Variants in RNF150 observed in about 807,000 individuals in gnomAD.
RNF150 encodes ring finger protein 150.
In RNF150, 24 loss-of-function variants were observed where a neutral mutation model predicts 39.3. The observed-to-expected ratio is 0.61, with a 90% confidence interval of 0.44 to 0.86. The LOEUF (loss-of-function observed/expected upper bound fraction) is 0.86. Ranked by LOEUF, RNF150 falls within the 40% of genes least tolerant of loss-of-function variation. The pLI, the probability that RNF150 is intolerant of heterozygous loss-of-function variation, is 0.00. For missense variants in RNF150, 502 were observed against 587.8 expected (o/e 0.85, Z 1.51); for synonymous variants, 255 against 227.3 (o/e 1.12, Z -1.10).
intron 1 of RNF150, among the ~76,000 whole-genome samples, chr4:140,979,130 T>G (rs1008231802): frequency 2.6e-5 from 4 of 152,118 alleles, no homozygotes; most frequent in Admixed American, 2.6e-4. Context: ...GTAGCCTCTC[T>G]GTATATGCAG....
At chr4:141,096,901 G>A (rs1018541967) in intron 1 of RNF150, among the ~76,000 whole-genome samples, 3 of 152,160 alleles carry the variant, frequency 2.0e-5, no homozygotes, top group African/African-American at 7.2e-5. Flanking sequence ...CCCTAAATGG[G>A]CTTCAAAATT....
chr4:141,074,703 A>G (rs3863130), intron 1 of RNF150, among the ~76,000 whole-genome samples: 114,944 of 152,088 alleles, frequency 0.76, 44,939 homozygotes, highest in Non-Finnish European at 0.87. Flanking sequence ...CTCTACCACT[A>G]TGTTGCATCA....
chr4:140,937,324 G>A (rs1228129739), intron 4 of RNF150, among the ~76,000 whole-genome samples: 4 of 152,056 alleles, frequency 2.6e-5, no homozygotes, highest in Non-Finnish European at 4.4e-5. Flanking sequence ...GCAATGGTGC[G>A]ATCTCAGCTG....
chr4:140,922,238 ATCT>A (rs1731186678), intron 5 of RNF150, among the ~76,000 whole-genome samples: 1 of 151,322 alleles, frequency 6.6e-6, no homozygotes. Flanking sequence ...TCAGCCCAAA[ATCT>A]TCTTAAGCTG....
At chr4:141,005,723 G>A (rs934457368) in intron 1 of RNF150, among the ~76,000 whole-genome samples, 22 of 152,190 alleles carry the variant, frequency 1.4e-4, no homozygotes, top group African/African-American at 5.3e-4. Context: ...TGTAATTTGA[G>A]TATATCATGT....
chr4:141,164,863 C>A (rs1395964219), intron 1 of RNF150, among the ~76,000 whole-genome samples: 1 of 152,132 alleles, frequency 6.6e-6, no homozygotes. Flanking sequence ...ATGTAAAGAC[C>A]ATTGACACTA....
intron 1 of RNF150, among the ~76,000 whole-genome samples, chr4:141,023,565 T>TG (rs1464739143): frequency 6.6e-6 from 1 of 151,548 alleles, no homozygotes; most frequent in African/African-American, 2.4e-5. Flanking sequence ...AAATTAATTT[T>TG]TTATATCTTA....
chr4:141,154,675 T>G (rs1727354022), intron 1 of RNF150, among the ~76,000 whole-genome samples: 1 of 152,174 alleles, frequency 6.6e-6, no homozygotes, highest in Non-Finnish European at 1.5e-5. Context: ...AGACCACATA[T>G]TTGAGTGCAA....
At chr4:141,148,783 T>C (rs548950450) in intron 1 of RNF150, among the ~76,000 whole-genome samples, 1 of 152,304 alleles carries the variant, frequency 6.6e-6, no homozygotes, top group East Asian at 1.9e-4. Context: ...TTCTTTTTTT[T>C]CCAGGTATTA....
Position 140,896,687 on chromosome 4 carries a change from TAAA to T in RNF150, c.1198+14454_1198+14456del, listed in dbSNP as rs368166601. 2.6e-4 allele frequency among the ~76,000 whole-genome samples: 21 copies of T among 79,300 alleles called. No individual in the cohort carries two copies. The East Asian group carries it at 0.01, about 38-fold the overall frequency. The allele number at this position is 79,300 out of a possible 152,430, so 52.0% of individuals were successfully genotyped here. A position where few individuals can be genotyped will look rare whatever the true frequency, so the allele number is the denominator to read the frequency against. On this transcript the variant is annotated intron_variant, in intron 6 of 6. Transcript: ENST00000515673. ...ATGTACCCTAAAACTTAGAGTATAATAAAAAAAAAAAAACAAAAAAACAAACAA... is the reference window on the plus strand; with the variant it reads ...ATGTACCCTAAAACTTAGAGTATAATAAAAAAAAAACAAAAAAACAAACAA...
intron 1 of RNF150, among the ~76,000 whole-genome samples, chr4:141,163,200 G>A (rs1392598277): frequency 6.6e-6 from 1 of 152,074 alleles, no homozygotes; most frequent in African/African-American, 2.4e-5. Context: ...GTTTGAACTG[G>A]GCAGAGCCCA....
chr4:141,041,706 G>T (rs1252777254), intron 1 of RNF150, among the ~76,000 whole-genome samples: 2 of 151,960 alleles, frequency 1.3e-5, no homozygotes, highest in Non-Finnish European at 2.9e-5. Flanking sequence ...TTGATGATAT[G>T]CCCAAAAATA....
chr4:141,026,267 G>T (rs1735693511), intron 1 of RNF150, among the ~76,000 whole-genome samples: 1 of 152,122 alleles, frequency 6.6e-6, no homozygotes, highest in Non-Finnish European at 1.5e-5. Context: ...AGATCAAGGA[G>T]AAATATTTAT....
chr4:141,201,282 T>A (rs1728286358), intron 1 of RNF150, among the ~76,000 whole-genome samples: 1 of 152,172 alleles, frequency 6.6e-6, no homozygotes, highest in African/African-American at 2.4e-5. Flanking sequence ...CACAGAAGAA[T>A]GTTGTTTGGT....
chr4:140,977,145 C>A (rs973452282), intron 1 of RNF150, among the ~76,000 whole-genome samples: 3 of 152,174 alleles, frequency 2.0e-5, no homozygotes, highest in African/African-American at 7.2e-5. Context: ...ACAGAACCCA[C>A]TAAGTAGATG....
At chr4:141,018,732 G>T (rs796965762) in intron 1 of RNF150, among the ~76,000 whole-genome samples, 1 of 152,144 alleles carries the variant, frequency 6.6e-6, no homozygotes, top group East Asian at 1.9e-4. Flanking sequence ...GCTTGCCAGT[G>T]TAGTCACAAA....
At chr4:141,035,684 T>C (rs1736114483) in intron 1 of RNF150, among the ~76,000 whole-genome samples, 1 of 152,104 alleles carries the variant, frequency 6.6e-6, no homozygotes, top group African/African-American at 2.4e-5. Flanking sequence ...GTCCACACAA[T>C]AATGATGAGG....
At chr4:141,010,576 A>G (rs1230349964) in intron 1 of RNF150, among the ~76,000 whole-genome samples, 1 of 152,188 alleles carries the variant, frequency 6.6e-6, no homozygotes, top group African/African-American at 2.4e-5. Flanking sequence ...CTCTTCATAA[A>G]GACCTAGTAG....
rs1735883994 is a variant in RNF150 at position 141,030,212 on chromosome 4, A to AT, written c.485-62340dup. 2.0e-5 allele frequency among the ~76,000 whole-genome samples: 3 copies of AT among 152,016 alleles called. No individual in the cohort carries two copies. In the South Asian group the frequency reaches 6.2e-4, roughly 32 times the overall value. Reference sequence around the variant, plus strand: ...CCGTCTAAAAAAAAAAAAGCTCAGTATCAGTAATCACTAGAGAAATGCAAA... The same window carrying AT: ...CCGTCTAAAAAAAAAAAAGCTCAGTATTCAGTAATCACTAGAGAAATGCAAA... On this transcript the variant is annotated intron_variant, in intron 1 of 6. Coordinates refer to ENST00000515673, the MANE Select transcript of RNF150 (RefSeq NM_020724.2).
Sources: gnomAD v4.1 joint callset for allele counts (sites outside exome capture counted in the v4.1 genomes callset) on GRCh38, gnomAD v4.1.1 for gene constraint, MANE v1.5 for transcripts, NCBI Gene and HGNC (gene_info 2026-07-23, HGNC 2026-07-21) for gene names.